The following SPMIP4 variants were observed in gnomAD, a reference collection of about 807,000 sequenced individuals.
SPMIP4 encodes sperm microtubule inner protein 4.
chr7:25,164,635 C>G, the SPMIP4 span, among the ~76,000 whole-genome samples: 3 of 151,952 alleles, frequency 2.0e-5, no homozygotes, highest in Admixed American at 1.3e-4. Flanking sequence ...TTTATAAAAG[C>G]ATTTTTAATT....
At chr7:25,145,056 G>A in the SPMIP4 span, among the ~76,000 whole-genome samples, 209 of 150,326 alleles carry the variant, frequency 1.4e-3, no homozygotes, top group African/African-American at 4.6e-3. Flanking sequence ...TATGCCTCCC[G>A]GGTTCAAGTG....
the SPMIP4 span, among the ~76,000 whole-genome samples, chr7:25,171,267 G>C: frequency 6.6e-6 from 1 of 152,194 alleles, no homozygotes; most frequent in African/African-American, 2.4e-5. Flanking sequence ...TAACAAAGGA[G>C]TGAAGGGCAG....
chr7:25,161,151 T>C, the SPMIP4 span: 8 of 1,244,414 alleles, frequency 6.4e-6, no homozygotes, highest in Non-Finnish European at 8.9e-6. Context: ...CTTAAAAATG[T>C]TATTTGATTT....
At chr7:25,130,803 T>C in the SPMIP4 span, among the ~76,000 whole-genome samples, 1 of 152,272 alleles carries the variant, frequency 6.6e-6, no homozygotes, top group Admixed American at 6.5e-5. Flanking sequence ...CGTAGTTAGC[T>C]TGGCCTATGC....
the SPMIP4 span, chr7:25,125,923 C>T: frequency 1.0e-6 from 1 of 985,330 alleles, no homozygotes; most frequent in Non-Finnish European, 1.2e-6. Flanking sequence ...GATGGACGCC[C>T]CAAGACTGAG....
the SPMIP4 span, chr7:25,125,835 AGTTG>A: frequency 1.2e-6 from 1 of 824,806 alleles, no homozygotes; most frequent in Non-Finnish European, 1.5e-6. Context: ...GAGTTACACG[AGTTG>A]GGCACCAGCT....
At chr7:25,166,442 C>T in the SPMIP4 span, among the ~76,000 whole-genome samples, 1 of 152,180 alleles carries the variant, frequency 6.6e-6, no homozygotes, top group Non-Finnish European at 1.5e-5. Context: ...AAAAGATTAG[C>T]TGGGCGTGGT....
At chr7:25,145,693 G>A in the SPMIP4 span, among the ~76,000 whole-genome samples, 1 of 152,140 alleles carries the variant, frequency 6.6e-6, no homozygotes, top group South Asian at 2.1e-4. Context: ...TTTTGAATTT[G>A]GAATATATTC....
the SPMIP4 span, among the ~76,000 whole-genome samples, chr7:25,178,466 C>G: frequency 1.3e-5 from 2 of 152,070 alleles, no homozygotes; most frequent in Non-Finnish European, 2.9e-5. Flanking sequence ...TTTGGTGAAG[C>G]AAAAATTTAC....
chr7:25,179,042 AAAACAAAC>A, the SPMIP4 span: 5,398 of 881,628 alleles, frequency 6.1e-3, 26 homozygotes, highest in Non-Finnish European at 7.8e-3. Context: ...CACCGTCTCA[AAAACAAAC>A]AAACAAACAA....
At chr7:25,136,283 T>G in the SPMIP4 span, 1 of 1,614,146 alleles carries the variant, frequency 6.2e-7, no homozygotes. The surrounding 1 kb of genome is among the most constrained non-coding windows in gnomAD (Gnocchi z 5.7). Context: ...TGTAAAACAC[T>G]AGGTTTACTA....
the SPMIP4 span, among the ~76,000 whole-genome samples, chr7:25,163,680 T>C: frequency 9.2e-5 from 14 of 152,316 alleles, no homozygotes; most frequent in Non-Finnish European, 1.8e-4. The surrounding 1 kb of genome is among the most constrained non-coding windows in gnomAD (Gnocchi z 4.4). Flanking sequence ...AAGTGACCAA[T>C]CATAAGCACT....
At chr7:25,126,736 T>G in the SPMIP4 span, among the ~76,000 whole-genome samples, 3 of 152,216 alleles carry the variant, frequency 2.0e-5, no homozygotes, top group African/African-American at 4.8e-5. Context: ...ATTACAGTAT[T>G]ATAATATTGT....
chr7:25,175,503 A>G, the SPMIP4 span, among the ~76,000 whole-genome samples: 22 of 152,192 alleles, frequency 1.4e-4, no homozygotes, highest in Non-Finnish European at 2.6e-4. Flanking sequence ...CGTCACTGTT[A>G]AAACTGCCAA....
chr7:25,133,362 G>A, the SPMIP4 span, among the ~76,000 whole-genome samples: 3 of 152,204 alleles, frequency 2.0e-5, no homozygotes, highest in East Asian at 1.9e-4. Context: ...TACACTTTGT[G>A]TTGAAATAGC....
the SPMIP4 span, chr7:25,168,458 C>A: frequency 1.3e-6 from 2 of 1,579,002 alleles, no homozygotes; most frequent in Non-Finnish European, 1.7e-6. Context: ...TCCCTTAATT[C>A]CTGATACCTG....
chr7:25,142,973 T>C, the SPMIP4 span, among the ~76,000 whole-genome samples: 2 of 152,148 alleles, frequency 1.3e-5, no homozygotes, highest in Non-Finnish European at 2.9e-5. Context: ...ATTGCTATAA[T>C]TGGAACCATA....
At chr7:25,164,331 T>G in the SPMIP4 span, among the ~76,000 whole-genome samples, 1 of 152,154 alleles carries the variant, frequency 6.6e-6, no homozygotes. Flanking sequence ...TGTGGTAATT[T>G]TGGGCAGGAT....
the SPMIP4 span, among the ~76,000 whole-genome samples, chr7:25,146,979 AG>A: frequency 6.6e-6 from 1 of 152,202 alleles, no homozygotes; most frequent in African/African-American, 2.4e-5. Context: ...TGAAACCAAC[AG>A]CCCAGAAGAG....
Sources: allele counts gnomAD v4.1 joint callset (sites outside exome capture counted in the v4.1 genomes callset), GRCh38; gene constraint gnomAD v4.1.1; non-coding constraint Gnocchi (gnomAD v3.1); transcripts MANE v1.5; gene names NCBI Gene and HGNC (gene_info 2026-07-23, HGNC 2026-07-21).